Variants in TRPV4 observed in about 807,000 individuals in gnomAD.
TRPV4 encodes transient receptor potential cation channel subfamily V member 4.
A neutral mutation model predicts 84.1 loss-of-function variants in TRPV4; 58 were observed. That is an observed-to-expected ratio of 0.69 (90% CI 0.56 to 0.86). The LOEUF (loss-of-function observed/expected upper bound fraction) is 0.86. Among genes scored for constraint, TRPV4 ranks in the 40% least tolerant of loss-of-function variants. The pLI, the probability that TRPV4 is intolerant of heterozygous loss-of-function variation, is 0.00. For synonymous variants in TRPV4, 489 were observed against 500.9 expected (o/e 0.98, Z 0.32); for missense variants, 879 against 1,181.1 (o/e 0.74, Z 3.75).
At position 109,814,292 on chromosome 12, in the gene TRPV4, G is replaced by A. The variant is rs1219189346; in HGVS notation, c.386+119C>T. The A allele has an allele frequency of 3.4e-6, 4 of 1,173,600 alleles. No homozygotes were observed. The South Asian group carries it at 5.3e-5, about 15-fold the overall frequency. 72.7% of individuals were successfully genotyped at this position (1,173,600 alleles called of 1,614,324 possible). A position where few individuals can be genotyped will look rare whatever the true frequency, so the allele number is the denominator to read the frequency against. The stretch of plus-strand genomic sequence containing the variant: ...GGATAGATGTATGGATGGTTGGATG[G>A]ACAGATGGATGGATGGATGAATCGA... On this transcript the variant is annotated intron_variant, in intron 2 of 15. Transcript: ENST00000261740. This position sits in a 1 kb window ranked among gnomAD's most constrained non-coding sequence, Gnocchi z 5.4.
chr12:109,802,876 G>A lies in TRPV4; in HGVS notation c.712+115C>T, dbSNP rs950149401. ...CATCCATCCATCCATCCATTTGTCA[G>A]GTCCTGGGTACATGCTGGCACTTAG... On this transcript the variant is annotated intron_variant, in intron 4 of 15. Coordinates refer to ENST00000261740, the MANE Select transcript of TRPV4 (RefSeq NM_021625.5). The A allele has an allele frequency of 2.8e-5, 30 of 1,066,788 alleles. No individual in the cohort carries two copies. In the East Asian group the frequency reaches 6.8e-4, roughly 24 times the overall value. 66.1% of individuals were successfully genotyped at this position (1,066,788 alleles called of 1,614,324 possible).
chr12:109,794,277 A>AAGGC, intron 8 of TRPV4, 52 bp downstream of exon 8: 6 of 1,602,470 alleles, frequency 3.7e-6, no homozygotes, highest in Non-Finnish European at 5.1e-6. Flanking sequence ...CCAGTCCTGC[A>AAGGC]TGGCTCAGCC....
At chr12:109,829,609 AG>A (rs1206643087) in intron 1 of TRPV4, among the ~76,000 whole-genome samples, 3 of 152,222 alleles carry the variant, frequency 2.0e-5, no homozygotes, top group Non-Finnish European at 4.4e-5. Context: ...CCTGGGGACA[AG>A]GGGAGCTGAC....
intron 1 of TRPV4, among the ~76,000 whole-genome samples, chr12:109,826,760 G>C: frequency 6.6e-6 from 1 of 152,184 alleles, no homozygotes; most frequent in East Asian, 1.9e-4. Flanking sequence ...TTTAGTAACT[G>C]CGTGGCCCCA....
chr12:109,826,492 T>C (rs1008895645), intron 1 of TRPV4, among the ~76,000 whole-genome samples: 61 of 152,246 alleles, frequency 4.0e-4, no homozygotes, highest in African/African-American at 1.4e-3. Flanking sequence ...GAGGTCGGTG[T>C]TATTGTTATC....
chr12:109,832,784 C>T (rs930382785), intron 1 of TRPV4: 1 of 148,282 alleles, frequency 6.7e-6, no homozygotes, highest in Non-Finnish European at 1.5e-5. Context: ...CTCTCTCCCC[C>T]ACCCCCACCC....
chr12:109,827,890 ACACATACG>A (rs913577797), intron 1 of TRPV4, among the ~76,000 whole-genome samples: 12 of 152,118 alleles, frequency 7.9e-5, no homozygotes, highest in Non-Finnish European at 1.8e-4. Flanking sequence ...ACACACAGAC[ACACATACG>A]CACATACACA....
Position 109,809,300 on chromosome 12 carries a change from C to CCCAT in TRPV4, c.387-836_387-833dup, listed in dbSNP as rs576736575. Among the ~76,000 whole-genome samples, 6 of 148,624 alleles carry CCCAT rather than the reference C, an allele frequency of 4.0e-5. No homozygotes were observed. In the South Asian group the frequency reaches 1.3e-3, roughly 32 times the overall value. ...GCCCATCCATCCATCCACCTACCCG[C>CCCAT]CCATCCATCCATCCATCCCTCATCC... On this transcript the variant is annotated intron_variant, in intron 2 of 15. Transcript: ENST00000261740.
rs547180355 is a variant in TRPV4, at chr12:109,796,445, C to A, written c.1332+80G>T. On this transcript the variant is annotated intron_variant, in intron 7 of 15. Coordinates refer to ENST00000261740, the MANE Select transcript of TRPV4 (RefSeq NM_021625.5). The surrounding 1 kb of genome is among the most constrained non-coding windows in gnomAD (Gnocchi z 4.2). ...TCCTAGAGGCTGGGGCTGTCTCCCC[C>A]AGCCCAGCCCCAGGGCCCTGTCCCT... 4 of 1,551,222 alleles carry A rather than the reference C, an allele frequency of 2.6e-6. No individual in the cohort carries two copies. Among genetic ancestry groups the A allele is most frequent in the Non-Finnish European group, 2.6e-6 (3 of 1,136,014 alleles).
At chr12:109,820,680 C>T (rs1008464359) in intron 1 of TRPV4, among the ~76,000 whole-genome samples, 2 of 151,902 alleles carry the variant, frequency 1.3e-5, no homozygotes, top group African/African-American at 4.8e-5. Flanking sequence ...CGCCACCACG[C>T]CCGGCTAATT....
intron 6 of TRPV4, among the ~76,000 whole-genome samples, chr12:109,797,890 C>G (rs1029972822): frequency 1.3e-5 from 2 of 152,072 alleles, no homozygotes; most frequent in Non-Finnish European, 2.9e-5. Flanking sequence ...CCAGAGGACA[C>G]TCTTATATCC....
Position 109,786,641 on chromosome 12 carries a change from G to A in TRPV4, c.2336+69C>T. 6.3e-6 allele frequency: 10 copies of A among 1,599,982 alleles called. No individual in the cohort carries two copies. Among genetic ancestry groups the A allele is most frequent in the Non-Finnish European group, 8.5e-6 (10 of 1,173,178 alleles). ...ATTGCAATGGGTAGACGACGCTGGA[G>A]CAGCAGGGGCCCCGAGCCAGTGGGG... On this transcript the variant is annotated intron_variant, in intron 14 of 15. Transcript: ENST00000261740. This position sits in a 1 kb window ranked among gnomAD's most constrained non-coding sequence, Gnocchi z 4.5.
rs1440109537 is a variant in TRPV4, at chr12:109,798,260, G to A, written c.1152+354C>T. ...TCCAGGCCCCATGCTGCGCGGCCCA[G>A]AAAAGGGAAGGAACTGGGGCAGGGC... On this transcript the variant is annotated intron_variant, in intron 6 of 15. Transcript: ENST00000261740. This position sits in a 1 kb window ranked among gnomAD's most constrained non-coding sequence, Gnocchi z 5.0. Among the ~76,000 whole-genome samples, 1 of 152,206 alleles carries A rather than the reference G, an allele frequency of 6.6e-6. No individual in the cohort carries two copies. The highest frequency in any genetic ancestry group is 1.5e-5 in the Non-Finnish European group (1 of 68,054).
intron 12 of TRPV4, among the ~76,000 whole-genome samples, chr12:109,790,621 G>A (rs80084939): frequency 0.032 from 4,934 of 151,988 alleles, 275 homozygotes; most frequent in African/African-American, 0.11. Flanking sequence ...AGTGGCTCGC[G>A]CCTATAATCC....
At position 109,783,813 on chromosome 12, in the gene TRPV4, G is replaced by A; in HGVS notation, c.2459-35C>T. On this transcript the variant is annotated intron_variant, in intron 15 of 15. Coordinates refer to ENST00000261740, the MANE Select transcript of TRPV4 (RefSeq NM_021625.5). This position sits in a 1 kb window ranked among gnomAD's most constrained non-coding sequence, Gnocchi z 4.6. ...GAGCACATCAGAGGGAGGGGTGGGG[G>A]TTGGTGGAGAGAGAGCGTGCGTATA... 2 of 1,607,696 alleles carry A rather than the reference G, an allele frequency of 1.2e-6. No individual in the cohort carries two copies. Among genetic ancestry groups the A allele is most frequent in the Non-Finnish European group, 1.7e-6 (2 of 1,179,664 alleles).
rs763187409 is a variant in TRPV4, at chr12:109,803,154, A to G, written c.560-11T>C. ...TCCCCGTAGATGGCTCTAGCAAGAG[A>G]GACACACAAGATGACGCAGTGCTCC... On this transcript the variant is annotated splice_polypyrimidine_tract_variant and intron_variant, in intron 3 of 15. Coordinates refer to ENST00000261740, the MANE Select transcript of TRPV4 (RefSeq NM_021625.5). The G allele has an allele frequency of 6.2e-7, 1 of 1,613,670 alleles. No individual in the cohort carries two copies. The highest frequency in any genetic ancestry group is 1.1e-5 in the South Asian group (1 of 91,080).
At chr12:109,791,336 G>A (rs1407680488) in intron 12 of TRPV4, among the ~76,000 whole-genome samples, 1 of 151,900 alleles carries the variant, frequency 6.6e-6, no homozygotes, top group Non-Finnish European at 1.5e-5. Flanking sequence ...TGAGCCAAGA[G>A]CACCACTGCC....
At chr12:109,802,189 G>T (rs1890828198) in intron 4 of TRPV4, among the ~76,000 whole-genome samples, 1 of 151,074 alleles carries the variant, frequency 6.6e-6, no homozygotes, top group Non-Finnish European at 1.5e-5. Context: ...GAGTGCAGTG[G>T]CACAATCATA....
At chr12:109,826,829 A>G (rs1892264232) in intron 1 of TRPV4, among the ~76,000 whole-genome samples, 1 of 152,158 alleles carries the variant, frequency 6.6e-6, no homozygotes, top group African/African-American at 2.4e-5. Flanking sequence ...GGAGCTCATC[A>G]CAGTTCCCAC....
Sources: gnomAD v4.1 joint callset for allele counts (sites outside exome capture counted in the v4.1 genomes callset) on GRCh38, gnomAD v4.1.1 for gene constraint, Gnocchi (gnomAD v3.1) non-coding constraint, MANE v1.5 for transcripts, NCBI Gene and HGNC (gene_info 2026-07-23, HGNC 2026-07-21) for gene names.